Variants in OR9I1 observed in about 807,000 individuals in gnomAD.
OR9I1 encodes olfactory receptor 9I1.
In OR9I1, 7 loss-of-function variants were observed where a neutral mutation model predicts 11.2. The observed-to-expected ratio is 0.62, with a 90% CI of 0.36 to 1.17. The LOEUF (loss-of-function observed/expected upper bound fraction) is 1.17, where lower values mean the gene tolerates loss of function less well. OR9I1 is among the 50% of genes most tolerant of loss of function. The probability of loss-of-function intolerance (pLI) is 0.02; values close to 1 mark genes in which losing one functional copy is unlikely to be tolerated. For missense variants in OR9I1, 428 were observed against 377.2 expected (o/e 1.13, Z -1.12); for synonymous variants, 165 against 153.4 (o/e 1.08, Z -0.56).
At chr11:58,120,159 T>C (rs575818696) in intron 2 of OR9I1, among the ~76,000 whole-genome samples, 4 of 152,284 alleles carry the variant, frequency 2.6e-5, no homozygotes, top group Admixed American at 1.3e-4. Context: ...CTTCAACATA[T>C]TGCATTTTAT....
Position 58,118,229 on chromosome 11 carries a change from T to A in OR9I1, c.*271A>T, listed in dbSNP as rs766622734. 11 of 286,116 alleles carry A rather than the reference T, an allele frequency of 3.8e-5. No individual in the cohort carries two copies. Among genetic ancestry groups the A allele is most frequent in the Non-Finnish European group, 7.2e-5 (11 of 153,512 alleles). The allele number at this position is 286,116 out of a possible 1,614,324, so 17.7% of individuals were successfully genotyped here. On this transcript the variant is annotated 3_prime_UTR_variant, in exon 3 of 3. Coordinates refer to ENST00000641439, the MANE Select transcript of OR9I1 (RefSeq NM_001005211.2). ...AAATAAACTCAAGACTCCTGGGATC[T>A]GAGATTCTATAAGTTGTGACATTAG...
intron 2 of OR9I1, 112 bp from the exon 3 acceptor site, chr11:58,119,578 A>C: frequency 1.6e-6 from 1 of 614,070 alleles, no homozygotes; most frequent in Non-Finnish European, 2.8e-6. Flanking sequence ...TTTGTTTTTA[A>C]GAAATTCTGA....
At chr11:58,123,452 A>G (rs1349177353) in intron 2 of OR9I1, among the ~76,000 whole-genome samples, 1 of 152,160 alleles carries the variant, frequency 6.6e-6, no homozygotes, top group African/African-American at 2.4e-5. Flanking sequence ...AAGGCTCCTG[A>G]CCAGAGATTA....
chr11:58,124,410 A>C (rs1029119013), intron 2 of OR9I1, 28 bp downstream of exon 2: 6 of 152,192 alleles, frequency 3.9e-5, no homozygotes, highest in African/African-American at 1.4e-4. Context: ...CCTTTACAGA[A>C]GAGATGGTCC....
At chr11:58,120,601 A>G (rs1365024567) in intron 2 of OR9I1, among the ~76,000 whole-genome samples, 1 of 151,804 alleles carries the variant, frequency 6.6e-6, no homozygotes, top group Non-Finnish European at 1.5e-5. Context: ...TTAAGTATTA[A>G]TAAGTTAATA....
In OR9I1 at chr11:58,118,855, A is replaced by G. The variant is rs770277733; in HGVS notation, c.590T>C (p.Ile197Thr). ...LACSDTANIE[I>T]VIIFFGNFVI... ...AAAATTGCCAAAGAAGATGATGACA[A>G]TCTCGATGTTTGCTGTGTCACTGCA... The change falls in exon 3 of 3, where the codon ATT becomes ACT. Residue 197 changes from isoleucine (I) to threonine (T), a missense_variant. Physicochemically the swap from Ile to Thr is moderately conservative, Grantham distance 89. Transcript: ENST00000641439. The G allele has an allele frequency of 2.5e-6, 4 of 1,614,016 alleles. No homozygotes were observed. The highest frequency in any genetic ancestry group is 3.3e-5 in the Admixed American group (2 of 60,020).
Position 58,118,384 on chromosome 11 carries a change from A to C in OR9I1, c.*116T>G, listed in dbSNP as rs184873587. On this transcript the variant is annotated 3_prime_UTR_variant, in exon 3 of 3. Transcript: ENST00000641439. Reference sequence around the variant, plus strand: ...TAGTTTTTCCTGTGTGCCTGGTGGTACCTATCTTCTGTCTTCTCTGTTTGT... The same window carrying C: ...TAGTTTTTCCTGTGTGCCTGGTGGTCCCTATCTTCTGTCTTCTCTGTTTGT... 9.9e-4 allele frequency: 677 copies of C among 686,986 alleles called. No homozygotes were observed. Among genetic ancestry groups the C allele is most frequent in the Non-Finnish European group, 1.3e-3 (519 of 404,404 alleles). The allele number at this position is 686,986 out of a possible 1,614,324, so 42.6% of individuals were successfully genotyped here.
rs757421357 is a variant in OR9I1 at position 58,118,777 on chromosome 11, TTGA to T, written c.665_667del (p.Ile222del). On this transcript the variant is annotated inframe_deletion, in exon 3 of 3. Coordinates refer to ENST00000641439, the MANE Select transcript of OR9I1 (RefSeq NM_001005211.2). The stretch of plus-strand genomic sequence containing the variant: ...TGAAGACTTCACTTTCAAAATGGTC[TTGA>T]TGATGAGCAGATAGGAAATCAGGAT... 8 of 1,613,970 alleles carry T rather than the reference TTGA, an allele frequency of 5.0e-6. No homozygotes were observed. The highest frequency in any genetic ancestry group is 1.1e-5 in the South Asian group (1 of 91,090).
In OR9I1 at chr11:58,119,136, TA is replaced by T; in HGVS notation, c.308del (p.Leu103TyrfsTer15). 6.2e-7 allele frequency: 1 copy of T among 1,613,930 alleles called. No individual in the cohort carries two copies. Among genetic ancestry groups the T allele is most frequent in the Non-Finnish European group, 8.5e-7 (1 of 1,179,972 alleles). ...ACTCTGTGCCTGCACAGATGGTGAATAAAAAGAACTGGGCAGCACAGTGGCC... is the reference window on the plus strand; with the variant it reads ...ACTCTGTGCCTGCACAGATGGTGAATAAAAGAACTGGGCAGCACAGTGGCC... ...SYGHCAAQFF[L>X]FTICAGTECF... On this transcript the variant is annotated frameshift_variant, in exon 3 of 3. Transcript: ENST00000641439. LOFTEE classifies it high-confidence loss of function.
chr11:58,119,571 G>A (rs1349512868), intron 2 of OR9I1, 105 bp from the exon 3 acceptor site: 2 of 632,288 alleles, frequency 3.2e-6, no homozygotes, highest in Non-Finnish European at 2.7e-6. Context: ...TGTAGAGTTT[G>A]TTTTTAAGAA....
At chr11:58,120,803 C>CATATATAATATAT (rs1854022346) in intron 2 of OR9I1, among the ~76,000 whole-genome samples, 1 of 132,684 alleles carries the variant, frequency 7.5e-6, no homozygotes, top group African/African-American at 2.9e-5. Flanking sequence ...ATTTCAATAC[C>CATATATAATATAT]ATATATATAT....
At chr11:58,124,358 T>TA (rs1854067598) in intron 2 of OR9I1, 80 bp downstream of exon 2, 1 of 152,188 alleles carries the variant, frequency 6.6e-6, no homozygotes, top group Non-Finnish European at 1.5e-5. Flanking sequence ...ATGTGACCTC[T>TA]GGAGGGGATA....
rs767501762 is a variant in OR9I1 at position 58,118,719 on chromosome 11, G to A, written c.726C>T (p.Ala242=). 3.7e-5 allele frequency: 60 copies of A among 1,613,972 alleles called. No individual in the cohort carries two copies. Among genetic ancestry groups the A allele is most frequent in the Non-Finnish European group, 5.1e-5 (60 of 1,179,998 alleles). The change falls in exon 3 of 3, where the codon GCC becomes GCT. Residue 242 remains alanine (A), a synonymous_variant. Transcript: ENST00000641439. ...AAAGGGCCACAGCAGTGATGTGAGA[G>A]GCACATGTGGAGAAAGTCTTGGCCC... ...GGRAKTFSTC[A]SHITAVALFF...
rs192617077 is a variant in OR9I1, at chr11:58,122,752, C to T, written c.-23+1686G>A. On this transcript the variant is annotated intron_variant, in intron 2 of 2. Coordinates refer to ENST00000641439, the MANE Select transcript of OR9I1 (RefSeq NM_001005211.2). ...GTCCTGCCTCATTCTTACTCCTTCC[C>T]CTGTTCCTCTTAAGTGTGCACTCCA... is the stretch of plus-strand genomic sequence containing the variant. Among the ~76,000 whole-genome samples the T allele has an allele frequency of 3.9e-5, 6 of 152,026 alleles. No individual in the cohort carries two copies. In the East Asian group the frequency reaches 9.7e-4, roughly 24 times the overall value.
At chr11:58,123,210 C>T (rs1854053129) in intron 2 of OR9I1, among the ~76,000 whole-genome samples, 1 of 152,156 alleles carries the variant, frequency 6.6e-6, no homozygotes, top group South Asian at 2.1e-4. Context: ...CCTCTGCTTT[C>T]AGCTATAAAT....
In OR9I1 at chr11:58,119,438, T is replaced by C; in HGVS notation, c.7A>G (p.Lys3Glu). MAKNNLTRVTEFI... is the reference protein window; with the variant it reads MAENNLTRVTEFI... ...TCGGTTACTCTGGTGAGATTATTCT[T>C]GGCCATGGAGACAATGTGGACTGTT... Residue 3 changes from lysine to glutamate, a missense_variant, in exon 3 of 3, where the codon AAG (lysine) becomes GAG (glutamate). Physicochemically the swap from Lys to Glu is moderately conservative, Grantham distance 56. Transcript: ENST00000641439. 1.3e-6 allele frequency: 2 copies of C among 1,599,628 alleles called. No individual in the cohort carries two copies. The highest frequency in any genetic ancestry group is 2.2e-5 in the South Asian group (2 of 89,224).
chr11:58,118,987 A>AC lies in OR9I1; in HGVS notation c.457dup (p.Val153GlyfsTer18), dbSNP rs756307661. On this transcript the variant is annotated frameshift_variant, in exon 3 of 3. Coordinates refer to ENST00000641439, the MANE Select transcript of OR9I1 (RefSeq NM_001005211.2). LOFTEE classifies it high-confidence loss of function. The stretch of plus-strand genomic sequence containing the variant: ...AGTGGTACGCAGGATGGCTCCTGAC[A>AC]CCCCACAGACATAGGCTCCTACCAC... 2 of 1,613,836 alleles carry AC rather than the reference A, an allele frequency of 1.2e-6. No individual in the cohort carries two copies. Among genetic ancestry groups the AC allele is most frequent in the Middle Eastern group, 1.7e-4 (1 of 6,058 alleles).
chr11:58,118,613 A>G lies in OR9I1; in HGVS notation c.832T>C (p.Tyr278His). The G allele has an allele frequency of 2.5e-6, 4 of 1,614,064 alleles. No homozygotes were observed. The highest frequency in any genetic ancestry group is 3.4e-6 in the Non-Finnish European group (4 of 1,179,958). The change falls in exon 3 of 3, where the codon TAT becomes CAT. Residue 278 changes from tyrosine to histidine, a missense_variant. Transcript: ENST00000641439. Reference sequence around the variant, plus strand: ...TTCAGCATGGGGATGACCACTGTATAGAAGACAGACACGACTTTGTCTTCC... The same window carrying G: ...TTCAGCATGGGGATGACCACTGTATGGAAGACAGACACGACTTTGTCTTCC... The part of the protein sequence containing the change: ...LEEDKVVSVF[Y>H]TVVIPMLNPL...
In OR9I1 at chr11:58,124,027, G is replaced by C. The variant is rs971968275; in HGVS notation, c.-23+411C>G. ...ATAGTAACGATTCTTGAAATAGAATGGATGTTTATCTAATATGGTAGAGCT... is the reference window on the plus strand; with the variant it reads ...ATAGTAACGATTCTTGAAATAGAATCGATGTTTATCTAATATGGTAGAGCT... On this transcript the variant is annotated intron_variant, in intron 2 of 2. Transcript: ENST00000641439. Among the ~76,000 whole-genome samples the C allele has an allele frequency of 4.6e-5, 7 of 152,252 alleles. No individual in the cohort carries two copies. The South Asian group carries it at 1.5e-3, about 32-fold the overall frequency.
Sources: gnomAD v4.1 joint callset for allele counts (sites outside exome capture counted in the v4.1 genomes callset) on GRCh38, gnomAD v4.1.1 for gene constraint, MANE v1.5 for transcripts, NCBI Gene and HGNC (gene_info 2026-07-23, HGNC 2026-07-21) for gene names.